Variants in FSTL4 observed in about 807,000 individuals in gnomAD.
FSTL4 encodes the protein follistatin like 4, also known as follistatin-related protein 4.
A neutral mutation model predicts 78.2 loss-of-function variants in FSTL4; 28 were observed. The ratio of observed to expected loss-of-function variants is 0.36; its 90% confidence interval spans 0.27 to 0.49. The LOEUF (loss-of-function observed/expected upper bound fraction) is 0.49, where lower values mean the gene tolerates loss of function less well. Among genes scored for constraint, FSTL4 ranks in the 20% least tolerant of loss-of-function variants. The probability of loss-of-function intolerance (pLI) is 0.98; values close to 1 mark genes in which losing one functional copy is unlikely to be tolerated. For synonymous variants in FSTL4, 422 were observed against 440.5 expected (o/e 0.96, Z 0.53); for missense variants, 922 against 1,084.9 (o/e 0.85, Z 2.11).
chr5:133,246,983 G>A (rs1232465221), intron 7 of FSTL4: 1 of 152,194 alleles, frequency 6.6e-6, no homozygotes, highest in African/African-American at 2.4e-5. Flanking sequence ...TACTAGACTA[G>A]TAACTTTCCA....
chr5:133,506,668 A>G (rs1050956583), intron 3 of FSTL4, among the ~76,000 whole-genome samples: 1 of 152,214 alleles, frequency 6.6e-6, no homozygotes, highest in Admixed American at 6.5e-5. Context: ...GATGTGACAC[A>G]AAGTATTTCA....
intron 6 of FSTL4, among the ~76,000 whole-genome samples, chr5:133,305,460 CA>C (rs1753635392): frequency 6.6e-6 from 1 of 152,226 alleles, no homozygotes; most frequent in Admixed American, 6.5e-5. Flanking sequence ...CCTTTTTCCT[CA>C]CCCTCTGCCT....
At chr5:133,317,224 T>C (rs1264440226) in intron 4 of FSTL4, among the ~76,000 whole-genome samples, 1 of 152,236 alleles carries the variant, frequency 6.6e-6, no homozygotes, top group Non-Finnish European at 1.5e-5. Context: ...TTTACAACGT[T>C]AAAACCGAAG....
chr5:133,400,684 A>T, intron 4 of FSTL4, 54 bp downstream of exon 4: 1 of 1,549,166 alleles, frequency 6.5e-7, no homozygotes, highest in African/African-American at 1.4e-5. Context: ...TCAAAAAGGC[A>T]TTGGAAGACC....
At chr5:133,745,587 C>A in the FSTL4 span, among the ~76,000 whole-genome samples, 1 of 152,196 alleles carries the variant, frequency 6.6e-6, no homozygotes, top group African/African-American at 2.4e-5. Flanking sequence ...TGAACTAGAT[C>A]CTTGGCAGAA....
the FSTL4 span, among the ~76,000 whole-genome samples, chr5:133,621,846 A>G: frequency 1.3e-5 from 2 of 152,212 alleles, no homozygotes; most frequent in African/African-American, 4.8e-5. Context: ...AAATAATTCT[A>G]GATTCACATA....
At chr5:133,618,874 C>T in the FSTL4 span, among the ~76,000 whole-genome samples, 24 of 152,344 alleles carry the variant, frequency 1.6e-4, no homozygotes, top group East Asian at 3.5e-3. Flanking sequence ...AGAACCTTCT[C>T]TTCTGAATCT....
chr5:133,625,771 C>A, the FSTL4 span, among the ~76,000 whole-genome samples: 1 of 9,688 alleles, frequency 1.0e-4, no homozygotes, highest in African/African-American at 1.0e-3. Context: ...ATATATATTC[C>A]ATATATATAT....
At chr5:133,368,327 T>C (rs533186386) in intron 4 of FSTL4, among the ~76,000 whole-genome samples, 116 of 152,340 alleles carry the variant, frequency 7.6e-4, no homozygotes, top group Admixed American at 2.2e-3. Flanking sequence ...GCTTCCCTGG[T>C]TGGCAGTGCT....
At chr5:133,507,436 C>T (rs890922195) in intron 3 of FSTL4, among the ~76,000 whole-genome samples, 4 of 152,032 alleles carry the variant, frequency 2.6e-5, no homozygotes, top group African/African-American at 4.8e-5. Flanking sequence ...GAGTCTACTG[C>T]TCTTTTTTGA....
chr5:133,807,072 A>G, the FSTL4 span, among the ~76,000 whole-genome samples: 1 of 152,210 alleles, frequency 6.6e-6, no homozygotes, highest in Admixed American at 6.5e-5. Context: ...AGCAACCTCA[A>G]AGTTCCTCCT....
the FSTL4 span, among the ~76,000 whole-genome samples, chr5:133,699,926 C>T: frequency 7.4e-5 from 11 of 149,346 alleles, no homozygotes; most frequent in African/African-American, 2.7e-4. Context: ...ACACAACATT[C>T]ATTCTTCCAG....
In FSTL4 at chr5:133,381,404, C is replaced by A. The variant is rs1365883812; in HGVS notation, c.409+19334G>T. On this transcript the variant is annotated intron_variant, in intron 4 of 15. Coordinates refer to ENST00000265342, the MANE Select transcript of FSTL4 (RefSeq NM_015082.2). ...GTAAGAAATAAATCTGAAAAGAACA[C>A]CCGCAGCATGGTTCCATTTATATGG... is the stretch of plus-strand genomic sequence containing the variant. 3.9e-5 allele frequency among the ~76,000 whole-genome samples: 6 copies of A among 152,314 alleles called. No individual in the cohort carries two copies. The South Asian group carries it at 1.0e-3, about 26-fold the overall frequency.
chr5:133,273,135 G>C (rs1481237911), intron 6 of FSTL4, among the ~76,000 whole-genome samples: 1 of 152,206 alleles, frequency 6.6e-6, no homozygotes, highest in East Asian at 1.9e-4. Context: ...GTTCTCTCCA[G>C]GGAAGTGCTG....
rs1758304612 is a variant in FSTL4 at position 133,493,189 on chromosome 5, CA to C, written c.160+73996del. On this transcript the variant is annotated intron_variant, in intron 3 of 15. Transcript: ENST00000265342. ...GTGAAGATTCTGAAGGAGCTAACCC[CA>C]GTGTGTGAGTCTGGGGTTAACTCTT... 2.0e-5 allele frequency among the ~76,000 whole-genome samples: 3 copies of C among 152,120 alleles called. No homozygotes were observed. In the South Asian group the frequency reaches 6.2e-4, roughly 32 times the overall value.
chr5:133,460,973 T>C (rs1354487416), intron 3 of FSTL4, among the ~76,000 whole-genome samples: 2 of 152,236 alleles, frequency 1.3e-5, no homozygotes, highest in African/African-American at 2.4e-5. Flanking sequence ...ATATTAATTG[T>C]ATGTATAAAG....
At chr5:133,724,034 G>A in the FSTL4 span, among the ~76,000 whole-genome samples, 3 of 152,196 alleles carry the variant, frequency 2.0e-5, no homozygotes, top group East Asian at 5.8e-4. Context: ...GAAGTACAAT[G>A]GCTACTTGCC....
At chr5:133,744,422 C>T in the FSTL4 span, among the ~76,000 whole-genome samples, 2 of 152,154 alleles carry the variant, frequency 1.3e-5, no homozygotes, top group African/African-American at 4.8e-5. Flanking sequence ...TCTGTGATTC[C>T]GTAGCCCACA....
At chr5:133,432,912 A>T (rs925436828) in intron 3 of FSTL4, among the ~76,000 whole-genome samples, 1 of 152,192 alleles carries the variant, frequency 6.6e-6, no homozygotes, top group Non-Finnish European at 1.5e-5. Flanking sequence ...GCAATTTTTC[A>T]TATGCTTCTG....
Sources: gnomAD v4.1 joint callset for allele counts (sites outside exome capture counted in the v4.1 genomes callset) on GRCh38, gnomAD v4.1.1 for gene constraint, MANE v1.5 for transcripts, NCBI Gene and HGNC (gene_info 2026-07-23, HGNC 2026-07-21) for gene names.